Variants in FYB1 observed in about 807,000 individuals in gnomAD.
FYB1 encodes FYN-binding protein 1.
FYB1 carries 41 observed loss-of-function variants against 94.1 expected under a neutral mutation model. That is an observed-to-expected ratio of 0.44 (90% confidence interval 0.34 to 0.57). FYB1 has a LOEUF of 0.57. FYB1 is among the 20% of genes least tolerant of loss of function. FYB1 has a pLI of 0.02. For synonymous variants in FYB1, 367 were observed against 353.2 expected, an observed-to-expected ratio of 1.04 and a Z score of -0.44; for missense variants, 1,050 against 976.8, an observed-to-expected ratio of 1.07 and a Z score of -1.00.
In FYB1 at chr5:39,202,838, G is replaced by T. The variant is rs1429871624; in HGVS notation, c.123C>A (p.Asn41Lys). The change falls in exon 2 of 19, where the codon AAC becomes AAA. Residue 41 changes from asparagine (N) to lysine (K), a missense_variant. Transcript: ENST00000512982. ...CTGCAGGAGGGCTGGCATTTCCTTG[G>T]TTGTTGAATAAGTTCTTTCTTGCTT... ...GIQARKNLFN[N>K]QGNASPPAGP... 1 of 1,613,864 alleles carries T rather than the reference G, an allele frequency of 6.2e-7. No homozygotes were observed. Among genetic ancestry groups the T allele is most frequent in the Non-Finnish European group, 8.5e-7 (1 of 1,179,902 alleles).
chr5:39,218,394 TG>T (rs35379710), intron 1 of FYB1, among the ~76,000 whole-genome samples: 2 of 152,180 alleles, frequency 1.3e-5, no homozygotes, highest in Non-Finnish European at 1.5e-5. Flanking sequence ...TCACATTGCA[TG>T]GGGACGTTTT....
At chr5:39,247,889 T>TTTTTGTTTTGTTTTGTTTTG (rs59562725) in intron 1 of FYB1, among the ~76,000 whole-genome samples, 14,192 of 149,270 alleles carry the variant, frequency 0.095, 913 homozygotes, top group South Asian at 0.17. Context: ...TACTTTCTTG[T>TTTTTGTTTTGTTTTGTTTTG]TTTTGTTTTG....
chr5:39,226,790 C>A (rs779813571), intron 1 of FYB1, among the ~76,000 whole-genome samples: 4 of 152,150 alleles, frequency 2.6e-5, no homozygotes, highest in Non-Finnish European at 4.4e-5. Flanking sequence ...AGGGTGGTGC[C>A]AGGCAAACTG....
At chr5:39,250,724 G>A (rs1023352101) in intron 1 of FYB1, 2 of 152,170 alleles carry the variant, frequency 1.3e-5, no homozygotes, top group Admixed American at 1.3e-4. Context: ...AAGGGCGGGC[G>A]AGATCTTATC....
intron 1 of FYB1, among the ~76,000 whole-genome samples, chr5:39,255,361 C>T (rs566751664): frequency 4.6e-5 from 7 of 151,802 alleles, no homozygotes; most frequent in African/African-American, 1.7e-4. Context: ...CGTACTGCCA[C>T]CTACATTCTC....
At chr5:39,239,213 T>C (rs1751101313) in intron 1 of FYB1, among the ~76,000 whole-genome samples, 1 of 152,002 alleles carries the variant, frequency 6.6e-6, no homozygotes, top group Non-Finnish European at 1.5e-5. Flanking sequence ...TCATACTAAA[T>C]GGGCAAAAGC....
intron 16 of FYB1, among the ~76,000 whole-genome samples, chr5:39,114,842 C>CGATGTTGA (rs1275714981): frequency 1.3e-5 from 2 of 152,114 alleles, no homozygotes; most frequent in Non-Finnish European, 2.9e-5. Context: ...GCTGACATTA[C>CGATGTTGA]GATGTTGAGA....
intron 1 of FYB1, among the ~76,000 whole-genome samples, chr5:39,261,097 G>GT (rs1752188474): frequency 6.6e-6 from 1 of 151,980 alleles, no homozygotes; most frequent in African/African-American, 2.4e-5. Context: ...AACACTGCAT[G>GT]TTCTCACACA....
chr5:39,178,920 T>C (rs977970900), intron 2 of FYB1, among the ~76,000 whole-genome samples: 7 of 152,174 alleles, frequency 4.6e-5, no homozygotes, highest in African/African-American at 1.7e-4. Context: ...CATAGAAAAC[T>C]GGCTGAGTTT....
In FYB1 at chr5:39,105,599, T is replaced by C. The variant is rs1247184328; in HGVS notation, c.*1844A>G. The C allele has an allele frequency of 6.6e-6, 1 of 152,148 alleles. No homozygotes were observed. The highest frequency in any genetic ancestry group is 2.4e-5 in the African/African-American group (1 of 41,446). 9.4% of individuals were successfully genotyped at this position (152,148 alleles called of 1,614,324 possible). Reference sequence around the variant, plus strand: ...GATGGCTGGAAGTGTCTCAGGGCACTCTGAAAGTTTAGCAAGCTTATCAAG... The same window carrying C: ...GATGGCTGGAAGTGTCTCAGGGCACCCTGAAAGTTTAGCAAGCTTATCAAG... On this transcript the variant is annotated 3_prime_UTR_variant, in exon 19 of 19. Coordinates refer to ENST00000512982, the MANE Select transcript of FYB1 (RefSeq NM_001465.6).
In FYB1 at chr5:39,270,557, T is replaced by C. The variant is rs559869814; in HGVS notation, c.-28+3846A>G. ...CAGGAGACCAAGGAGAGTTATAAAA[T>C]CTATTACTTACCATTTTTATTGAAA... On this transcript the variant is annotated intron_variant, in intron 1 of 1. Coordinates refer to the FYB1 transcript ENST00000510188. 1.0e-5 allele frequency: 16 copies of C among 1,534,668 alleles called. No individual in the cohort carries two copies. In the East Asian group the frequency reaches 3.2e-4, roughly 30 times the overall value.
chr5:39,183,060 T>C (rs997829067), intron 2 of FYB1, among the ~76,000 whole-genome samples: 1 of 152,188 alleles, frequency 6.6e-6, no homozygotes, highest in African/African-American at 2.4e-5. Context: ...TTCACCCTTG[T>C]TGCCCAGGCT....
chr5:39,208,798 T>G (rs1749084687), intron 1 of FYB1: 1 of 152,188 alleles, frequency 6.6e-6, no homozygotes, highest in Non-Finnish European at 1.5e-5. Context: ...TACAAAGGCC[T>G]GACCAGGAGG....
In FYB1 at chr5:39,146,944, A is replaced by G. The variant is rs540146835; in HGVS notation, c.1293-5803T>C. ...AGGTGCAGGTGCCATGAGTAAATCC[A>G]GATCAAACTGTCAGCAAATTCGCTA... On this transcript the variant is annotated intron_variant, in intron 3 of 18. Transcript: ENST00000512982. Among the ~76,000 whole-genome samples the G allele has an allele frequency of 6.6e-5, 10 of 152,334 alleles. No individual in the cohort carries two copies. In the East Asian group the frequency reaches 1.7e-3, roughly 26 times the overall value.
In FYB1 at chr5:39,175,165, G is replaced by C. The variant is rs1052563682; in HGVS notation, c.1136-21561C>G. ...GGAAAAGGGGCATGAGGTAGGAAAAGAGAACAGAATGGAGATCCAGCCAGG... is the reference window on the plus strand; with the variant it reads ...GGAAAAGGGGCATGAGGTAGGAAAACAGAACAGAATGGAGATCCAGCCAGG... On this transcript the variant is annotated intron_variant, in intron 2 of 18. Transcript: ENST00000512982. 6.6e-5 allele frequency among the ~76,000 whole-genome samples: 10 copies of C among 152,186 alleles called. 1 individual carries two copies. Among genetic ancestry groups the C allele is most frequent in the Admixed American group, 2.0e-4 (3 of 15,274 alleles).
chr5:39,252,659 T>G (rs1194054156), intron 1 of FYB1, among the ~76,000 whole-genome samples: 2 of 152,190 alleles, frequency 1.3e-5, no homozygotes, highest in Non-Finnish European at 2.9e-5. Flanking sequence ...CATACTAAGT[T>G]TATGAAACAG....
At chr5:39,186,252 C>T (rs576118244) in intron 2 of FYB1, among the ~76,000 whole-genome samples, 7 of 152,184 alleles carry the variant, frequency 4.6e-5, no homozygotes, top group East Asian at 3.9e-4. Flanking sequence ...GGTGAAACCC[C>T]GTCTCTACTA....
chr5:39,220,224 C>A (rs537000347), upstream of FYB1, among the ~76,000 whole-genome samples: 55 of 151,874 alleles, frequency 3.6e-4, 1 homozygote, highest in Middle Eastern at 0.014. Context: ...GTCTTGACAA[C>A]ATGGTGAGAC....
rs578026435 is a variant in FYB1, at chr5:39,219,563, C to T, written c.-148G>A. 2.3e-5 allele frequency: 23 copies of T among 985,422 alleles called. No individual in the cohort carries two copies. Among genetic ancestry groups the T allele is most frequent in the South Asian group, 1.9e-4 (4 of 21,282 alleles). The allele number at this position is 985,422 out of a possible 1,614,324, so 61.0% of individuals were successfully genotyped here. On this transcript the variant is annotated 5_prime_UTR_variant, in exon 1 of 19. Transcript: ENST00000512982. ...CTCTGCATGTGGAACTCAAGAACTG[C>T]GGAGCTTTCTGATGCCTGGCAGGGT... is the stretch of plus-strand genomic sequence containing the variant.
Sources: gnomAD v4.1 joint callset for allele counts (sites outside exome capture counted in the v4.1 genomes callset) on GRCh38, gnomAD v4.1.1 for gene constraint, MANE v1.5 for transcripts, NCBI Gene and HGNC (gene_info 2026-07-23, HGNC 2026-07-21) for gene names.